Variants in EVC observed in about 807,000 individuals in gnomAD.
The protein encoded by EVC is evC complex member EVC.
EVC carries 116 observed loss-of-function variants against 118.9 expected under a neutral mutation model. The observed-to-expected ratio is 0.98, with a 90% CI of 0.84 to 1.14. The LOEUF (loss-of-function observed/expected upper bound fraction) is 1.14, where lower values mean the gene tolerates loss of function less well. EVC is among the 50% of genes most tolerant of loss of function. The pLI is 0.00. For synonymous variants in EVC, 619 were observed against 534.7 expected (o/e 1.16, Z -2.18); for missense variants, 1,401 against 1,246.4 (o/e 1.12, Z -1.87).
At chr4:5,732,257 C>T (rs1400260500) in intron 4 of EVC, among the ~76,000 whole-genome samples, 1 of 115,196 alleles carries the variant, frequency 8.7e-6, no homozygotes, top group Admixed American at 1.1e-4. Context: ...CTCAGTCTGG[C>T]GGGTTCACAC....
chr4:5,794,235 ATATTTATATATATATTTATATG>A lies in EVC; in HGVS notation c.1886+530_1886+551del, dbSNP rs1455582275. Reference sequence around the variant, plus strand: ...CTTTCATTATGAGAAAAATATATATATATTTATATATATATTTATATGTATTTATATATTTATATATATTTAT... The same window carrying A: ...CTTTCATTATGAGAAAAATATATATATATTTATATATTTATATATATTTAT... On this transcript the variant is annotated intron_variant, in intron 13 of 20. Coordinates refer to ENST00000264956, the MANE Select transcript of EVC (RefSeq NM_153717.3). Among the ~76,000 whole-genome samples, 43 of 78,028 alleles carry A rather than the reference ATATTTATATATATATTTATATG, an allele frequency of 5.5e-4. No individual in the cohort carries two copies. In the South Asian group the frequency reaches 6.7e-3, roughly 12 times the overall value. 51.2% of individuals were successfully genotyped at this position (78,028 alleles called of 152,430 possible).
At chr4:5,782,757 G>C (rs1048389412) in intron 11 of EVC, among the ~76,000 whole-genome samples, 1 of 152,002 alleles carries the variant, frequency 6.6e-6, no homozygotes, top group East Asian at 1.9e-4. Context: ...TGAGTGTGAG[G>C]GGAACAGAGG....
At chr4:5,763,852 G>A (rs1732450579) in intron 11 of EVC, among the ~76,000 whole-genome samples, 1 of 99,088 alleles carries the variant, frequency 1.0e-5, no homozygotes. Context: ...TGCAAACAGG[G>A]ACAATTTGAC....
intron 5 of EVC, among the ~76,000 whole-genome samples, chr4:5,739,900 A>G (rs1370035114): frequency 4.5e-4 from 2 of 4,480 alleles, no homozygotes; most frequent in African/African-American, 1.5e-3. Flanking sequence ...ACCCCATCTC[A>G]AAAAAAAAAA....
intron 2 of EVC, among the ~76,000 whole-genome samples, chr4:5,727,120 A>G (rs1725982373): frequency 6.6e-6 from 1 of 152,058 alleles, no homozygotes. Context: ...TGGTATTTCC[A>G]GTTCTAGATC....
At chr4:5,729,196 C>T in intron 2 of EVC, 111 bp from the exon 3 acceptor site, 1 of 940,272 alleles carries the variant, frequency 1.1e-6, no homozygotes, top group Middle Eastern at 2.1e-4. Flanking sequence ...CTATCATGGT[C>T]CCTTTCTGAG....
intron 16 of EVC, among the ~76,000 whole-genome samples, chr4:5,803,141 T>A (rs1396012142): frequency 6.6e-6 from 1 of 152,134 alleles, no homozygotes; most frequent in Non-Finnish European, 1.5e-5. Flanking sequence ...ATAAGGATGG[T>A]TGGAAGCCAA....
intron 16 of EVC, among the ~76,000 whole-genome samples, chr4:5,803,908 G>A (rs949852049): frequency 1.3e-5 from 2 of 151,304 alleles, no homozygotes; most frequent in African/African-American, 4.9e-5. Flanking sequence ...GGGATGACAG[G>A]TCTAAACCAT....
intron 18 of EVC, 112 bp downstream of exon 18, chr4:5,808,439 G>A: frequency 6.5e-7 from 1 of 1,532,930 alleles, no homozygotes; most frequent in Non-Finnish European, 8.9e-7. Context: ...TTCCCTGCCT[G>A]TGGCATCGTT....
At chr4:5,790,324 A>G (rs924528253) in intron 12 of EVC, among the ~76,000 whole-genome samples, 6 of 152,338 alleles carry the variant, frequency 3.9e-5, no homozygotes, top group Admixed American at 6.5e-5. Flanking sequence ...AGCACAGTGT[A>G]GTTTTGTGAG....
chr4:5,790,180 C>CCAAAAAAAAAAAA (rs1712497891), intron 12 of EVC, among the ~76,000 whole-genome samples: 1 of 112,226 alleles, frequency 8.9e-6, no homozygotes, highest in Non-Finnish European at 1.8e-5. Flanking sequence ...GACTCCATCT[C>CCAAAAAAAAAAAA]AAAAAAAAAA....
chr4:5,792,668 T>A (rs1713014856), intron 12 of EVC, among the ~76,000 whole-genome samples: 1 of 152,188 alleles, frequency 6.6e-6, no homozygotes, highest in African/African-American at 2.4e-5. Context: ...TATGAATGTC[T>A]CTATTGAAAA....
intron 11 of EVC, among the ~76,000 whole-genome samples, chr4:5,772,683 G>T (rs1734164831): frequency 2.6e-5 from 4 of 151,996 alleles, no homozygotes; most frequent in Admixed American, 2.6e-4. Flanking sequence ...TGGCCCACAG[G>T]ATCCACCTGT....
intron 2 of EVC, among the ~76,000 whole-genome samples, chr4:5,725,477 A>G (rs1177900445): frequency 6.6e-6 from 1 of 152,130 alleles, no homozygotes; most frequent in South Asian, 2.1e-4. Context: ...ATGATCAGTG[A>G]TGTTGAGCTT....
chr4:5,775,396 C>G (rs1260134095), intron 11 of EVC, among the ~76,000 whole-genome samples: 1 of 152,136 alleles, frequency 6.6e-6, no homozygotes, highest in East Asian at 1.9e-4. Flanking sequence ...TCCTAACACC[C>G]TCCCTGCTCC....
rs1339728432 is a variant in EVC, at chr4:5,719,122, C to G, written c.175-126C>G. 1.6e-6 allele frequency: 2 copies of G among 1,273,016 alleles called. No individual in the cohort carries two copies. Among genetic ancestry groups the G allele is most frequent in the Non-Finnish European group, 1.1e-6 (1 of 879,418 alleles). The allele number at this position is 1,273,016 out of a possible 1,614,324, so 78.9% of individuals were successfully genotyped here. A position where few individuals can be genotyped will look rare whatever the true frequency, so the allele number is the denominator to read the frequency against. On this transcript the variant is annotated intron_variant, in intron 1 of 20. Coordinates refer to ENST00000264956, the MANE Select transcript of EVC (RefSeq NM_153717.3). This position sits in a 1 kb window ranked among gnomAD's most constrained non-coding sequence, Gnocchi z 4.7. ...CACAGAAGACCAAGCTTGAGAAGCA[C>G]AGAGGCGAGCAGAAGTGGCTGCTGG...
At position 5,810,400 on chromosome 4, in the gene EVC, G is replaced by T; in HGVS notation, c.2844G>T (p.Val948=). Residue 948 remains valine, a synonymous_variant, in exon 20 of 21, where the codon GTG becomes GTT. Transcript: ENST00000264956. ...PLPQERGDLG[V]PNNEDLASGD... ...CCCAGGAAAGAGGGGACCTGGGGGT[G>T]CCCAACAATGAGGACCTTGCCTCCG... is the stretch of plus-strand genomic sequence containing the variant. 1.2e-6 allele frequency: 2 copies of T among 1,613,794 alleles called. No homozygotes were observed. The highest frequency in any genetic ancestry group is 2.7e-5 in the African/African-American group (2 of 75,028).
intron 5 of EVC, among the ~76,000 whole-genome samples, chr4:5,735,059 C>G (rs1727450748): frequency 6.6e-6 from 1 of 152,256 alleles, no homozygotes; most frequent in African/African-American, 2.4e-5. Flanking sequence ...TTCAGCATCA[C>G]TCACCATCCA....
At chr4:5,825,766 A>C in the EVC span, 1 of 1,106,886 alleles carries the variant, frequency 9.0e-7, no homozygotes, top group South Asian at 1.5e-5. This position sits in a 1 kb window ranked among gnomAD's most constrained non-coding sequence, Gnocchi z 4.4. Flanking sequence ...AGGTCACTTC[A>C]AATGTGCATG....
Sources: gnomAD v4.1 joint callset for allele counts (sites outside exome capture counted in the v4.1 genomes callset) on GRCh38, gnomAD v4.1.1 for gene constraint, Gnocchi (gnomAD v3.1) non-coding constraint, MANE v1.5 for transcripts, NCBI Gene and HGNC (gene_info 2026-07-23, HGNC 2026-07-21) for gene names.